SMARCA4: variants seen among roughly 807,000 people sequenced by gnomAD.
The protein encoded by SMARCA4 is SWI/SNF-related matrix-associated actin-dependent regulator of chromatin subfamily A member 4.
SMARCA4 carries 31 observed loss-of-function variants against 193.9 expected under a neutral mutation model. That is an observed-to-expected ratio of 0.16 (90% CI 0.12 to 0.22). The LOEUF is 0.22. SMARCA4 is among the 10% of genes least tolerant of loss of function. SMARCA4 has a pLI of 1.00. For synonymous variants in SMARCA4, 942 were observed against 933.1 expected (o/e 1.01, Z -0.17); for missense variants, 1,148 against 2,296.0 (o/e 0.50, Z 10.22).
chr19:11,058,115 A>G lies in SMARCA4; in HGVS notation c.4425-140A>G. On this transcript the variant is annotated intron_variant, in intron 30 of 34. Transcript: ENST00000344626. The surrounding 1 kb of genome is among the most constrained non-coding windows in gnomAD (Gnocchi z 5.8). ...GAGCGAAACTCCGTCTCAAAAAAAAAAAAAGCGCATGTGCAAGAAATAGCT... is the reference window on the plus strand; with the variant it reads ...GAGCGAAACTCCGTCTCAAAAAAAAGAAAAGCGCATGTGCAAGAAATAGCT... The G allele has an allele frequency of 4.6e-6, 3 of 651,182 alleles. No homozygotes were observed. The highest frequency in any genetic ancestry group is 3.4e-5 in the South Asian group (2 of 58,506). The allele number at this position is 651,182 out of a possible 1,614,324, so 40.3% of individuals were successfully genotyped here.
chr19:10,976,004 G>A (rs1345690727), intron 1 of SMARCA4, among the ~76,000 whole-genome samples: 1 of 152,140 alleles, frequency 6.6e-6, no homozygotes, highest in Non-Finnish European at 1.5e-5. Flanking sequence ...CACCTGAGTA[G>A]GTGTGGCCTC....
chr19:11,017,640 C>T (rs1237493684), intron 16 of SMARCA4, among the ~76,000 whole-genome samples: 2 of 152,252 alleles, frequency 1.3e-5, no homozygotes, highest in South Asian at 4.1e-4. Context: ...CCTGGCTCTT[C>T]TCCCTCCCAG....
rs374362454 is a variant in SMARCA4, at chr19:11,058,400, C to T, written c.4533+37C>T. The stretch of plus-strand genomic sequence containing the variant: ...GTTGTACCTGCGCCCCGCATGTGCC[C>T]GGAGGGGAGTCTGACCCAGGGGCAC... On this transcript the variant is annotated intron_variant, in intron 31 of 34. Transcript: ENST00000344626. The surrounding 1 kb of genome is among the most constrained non-coding windows in gnomAD (Gnocchi z 5.8). The T allele has an allele frequency of 6.6e-5, 94 of 1,433,432 alleles. 1 individual carries two copies. Among genetic ancestry groups the T allele is most frequent in the South Asian group, 4.7e-4 (41 of 87,080 alleles). 88.8% of individuals were successfully genotyped at this position (1,433,432 alleles called of 1,614,324 possible).
rs1185216721 is a variant in SMARCA4 at position 10,985,194 on chromosome 19, T to C, written c.223-79T>C. The C allele has an allele frequency of 8.6e-6, 13 of 1,504,556 alleles. No homozygotes were observed. The highest frequency in any genetic ancestry group is 1.2e-5 in the Non-Finnish European group (13 of 1,082,460). 93.2% of individuals were successfully genotyped at this position (1,504,556 alleles called of 1,614,324 possible). On this transcript the variant is annotated intron_variant, in intron 2 of 34. Transcript: ENST00000344626. This position sits in a 1 kb window ranked among gnomAD's most constrained non-coding sequence, Gnocchi z 4.5. ...GTGGCTGTTCTCGGTGCCCTCGAGC[T>C]TCTCTCGGGCAGCGCATAGCTGCGC...
At chr19:11,055,643 C>A (rs531385406) in intron 30 of SMARCA4, among the ~76,000 whole-genome samples, 1 of 152,344 alleles carries the variant, frequency 6.6e-6, no homozygotes, top group African/African-American at 2.4e-5. Flanking sequence ...CCCTCCAGGG[C>A]AAGGGCCACA....
chr19:11,010,305 A>C, intron 14 of SMARCA4, 76 bp from the exon 15 acceptor site: 1 of 1,522,710 alleles, frequency 6.6e-7, no homozygotes, highest in Non-Finnish European at 9.1e-7. Flanking sequence ...CACTCCGCAG[A>C]GCTTGTGTCA....
At chr19:11,022,513 ACT>A (rs1327751771) in intron 19 of SMARCA4, among the ~76,000 whole-genome samples, 6 of 152,222 alleles carry the variant, frequency 3.9e-5, no homozygotes, top group African/African-American at 1.4e-4. Flanking sequence ...CCACACCAGC[ACT>A]GATCCCTGAG....
At chr19:10,996,666 C>A in intron 11 of SMARCA4, 122 bp downstream of exon 11, 1 of 966,016 alleles carries the variant, frequency 1.0e-6, no homozygotes, top group Non-Finnish European at 1.7e-6. Context: ...TGGTGAGAAT[C>A]CCAGGGTGTC....
At chr19:11,000,511 T>C (rs2087529127) in intron 11 of SMARCA4, among the ~76,000 whole-genome samples, 1 of 151,686 alleles carries the variant, frequency 6.6e-6, no homozygotes, top group South Asian at 2.1e-4. Context: ...TGGGGAGCTT[T>C]TTATTACTTG....
chr19:11,059,173 T>C, intron 32 of SMARCA4: 1 of 413,160 alleles, frequency 2.4e-6, no homozygotes, highest in South Asian at 2.6e-5. Context: ...ACAAAAGCAG[T>C]ATGTATTTAC....
At chr19:11,020,634 C>T (rs1468901181) in intron 18 of SMARCA4, 1 of 152,294 alleles carries the variant, frequency 6.6e-6, no homozygotes, top group Admixed American at 6.6e-5. Flanking sequence ...CCAGGCTGGT[C>T]TCAAACTCCT....
intron 1 of SMARCA4, among the ~76,000 whole-genome samples, chr19:10,966,354 G>A (rs2084219467): frequency 6.6e-6 from 1 of 151,624 alleles, no homozygotes; most frequent in Non-Finnish European, 1.5e-5. Flanking sequence ...ACTTTGGGAG[G>A]CCCAGCAGGG....
rs767165458 is a variant in SMARCA4 at position 11,027,786 on chromosome 19, T to A, written c.3218T>A (p.Leu1073Gln). 6 of 1,613,948 alleles carry A rather than the reference T, an allele frequency of 3.7e-6. No individual in the cohort carries two copies. The African/African-American group carries it at 6.7e-5, about 18-fold the overall frequency. ...LGFTGGIVQG[L>Q]DLYRASGKFE... is the part of the protein sequence containing the mutation. Reference sequence around the variant, plus strand: ...CTCCTGCCTCCTCCACACTCCAGGCTGGACCTGTACCGAGCCTCGGGTAAA... The same window carrying A: ...CTCCTGCCTCCTCCACACTCCAGGCAGGACCTGTACCGAGCCTCGGGTAAA... The change falls in exon 24 of 35, where the codon CTG becomes CAG. Residue 1073 changes from leucine to glutamine, a missense_variant and splice_region_variant. Coordinates refer to ENST00000344626, the MANE Select transcript of SMARCA4 (RefSeq NM_003072.5).
In SMARCA4 at chr19:11,019,706, C is replaced by T. The variant is rs763025766; in HGVS notation, c.2616+5C>T. 9 of 1,602,024 alleles carry T rather than the reference C, an allele frequency of 5.6e-6. No individual in the cohort carries two copies. The highest frequency in any genetic ancestry group is 2.7e-5 in the African/African-American group (2 of 74,656). On this transcript the variant is annotated splice_donor_5th_base_variant and intron_variant, in intron 18 of 34. Transcript: ENST00000344626. The surrounding 1 kb of genome is among the most constrained non-coding windows in gnomAD (Gnocchi z 6.1). ...GACAAGCACATCCTCGCCAAGGTAA[C>T]GTGTCCCTGTGGGAAATGCCAGGCC...
At chr19:11,013,620 C>T (rs1312531219) in intron 16 of SMARCA4, among the ~76,000 whole-genome samples, 1 of 152,062 alleles carries the variant, frequency 6.6e-6, no homozygotes, top group African/African-American at 2.4e-5. Flanking sequence ...GGCCTGGGGT[C>T]CCTCTCCCGG....
At chr19:11,004,543 G>A (rs917217850) in intron 13 of SMARCA4, among the ~76,000 whole-genome samples, 3 of 152,258 alleles carry the variant, frequency 2.0e-5, no homozygotes, top group East Asian at 1.9e-4. Context: ...GAACCAGTGC[G>A]TCAAAGTCTG....
Position 11,003,175 on chromosome 19 carries a change from C to G in SMARCA4, c.1943+16C>G, listed in dbSNP as rs2146100338. The G allele has an allele frequency of 6.2e-7, 1 of 1,614,042 alleles. No individual in the cohort carries two copies. Among genetic ancestry groups the G allele is most frequent in the Non-Finnish European group, 8.5e-7 (1 of 1,179,972 alleles). The stretch of plus-strand genomic sequence containing the variant: ...TGAACCCGGGGTGAGTTGGGCCTTG[C>G]ATTCCAGATGCAGTGGGGATCCAAG... On this transcript the variant is annotated intron_variant, in intron 12 of 34. Transcript: ENST00000344626.
intron 16 of SMARCA4, among the ~76,000 whole-genome samples, chr19:11,014,965 A>AC (rs1246458966): frequency 1.3e-5 from 2 of 151,984 alleles, no homozygotes; most frequent in African/African-American, 4.8e-5. Context: ...GGCACGCGCC[A>AC]CCATGTCCGG....
At chr19:11,016,524 G>A (rs2089380723) in intron 16 of SMARCA4, among the ~76,000 whole-genome samples, 1 of 152,158 alleles carries the variant, frequency 6.6e-6, no homozygotes, top group South Asian at 2.1e-4. Context: ...TCTCCCCCAT[G>A]TGCTTGTTTG....
Sources: gnomAD v4.1 joint callset for allele counts (sites outside exome capture counted in the v4.1 genomes callset) on GRCh38, gnomAD v4.1.1 for gene constraint, Gnocchi (gnomAD v3.1) non-coding constraint, MANE v1.5 for transcripts, NCBI Gene and HGNC (gene_info 2026-07-23, HGNC 2026-07-21) for gene names.